Variants in BRINP3 observed in about 807,000 individuals in gnomAD.
The protein encoded by BRINP3 is BMP/retinoic acid inducible neural specific 3.
In BRINP3, 19 loss-of-function variants were observed where a neutral mutation model predicts 71.0. The observed-to-expected ratio is 0.27, with a 90% confidence interval of 0.19 to 0.39. The LOEUF is 0.39. Among genes scored for constraint, BRINP3 ranks in the 10% least tolerant of loss-of-function variants. The pLI is 1.00. For synonymous variants in BRINP3, 380 were observed against 337.7 expected (o/e 1.13, Z -1.37); for missense variants, 959 against 940.8 (o/e 1.02, Z -0.25).
intron 2 of BRINP3, among the ~76,000 whole-genome samples, chr1:190,300,244 T>C (rs1238276669): frequency 2.0e-5 from 3 of 152,092 alleles, no homozygotes; most frequent in African/African-American, 7.2e-5. Context: ...AGGCTTTGCT[T>C]GTTTCTTTTT....
intron 2 of BRINP3, among the ~76,000 whole-genome samples, chr1:190,322,906 G>C (rs1042587884): frequency 6.6e-6 from 1 of 151,694 alleles, no homozygotes; most frequent in African/African-American, 2.4e-5. Flanking sequence ...TAATTATCTC[G>C]TTTAATTTGA....
At chr1:190,275,368 T>C (rs113824861) in intron 3 of BRINP3, among the ~76,000 whole-genome samples, 184 of 151,744 alleles carry the variant, frequency 1.2e-3, no homozygotes, top group Non-Finnish European at 2.2e-3. Context: ...AGTGTTGTCT[T>C]AACTTAATGT....
chr1:190,386,465 A>C (rs1365356476), intron 2 of BRINP3, among the ~76,000 whole-genome samples: 1 of 151,824 alleles, frequency 6.6e-6, no homozygotes, highest in African/African-American at 2.4e-5. Context: ...TTAAATGTCT[A>C]AACAAATAAG....
intron 2 of BRINP3, among the ~76,000 whole-genome samples, chr1:190,426,897 T>C (rs1339513894): frequency 6.6e-6 from 1 of 151,888 alleles, no homozygotes; most frequent in Non-Finnish European, 1.5e-5. Context: ...AAATGATAGT[T>C]ATTTCAGAGA....
chr1:190,441,556 T>C (rs1674821292), intron 2 of BRINP3, among the ~76,000 whole-genome samples: 1 of 152,074 alleles, frequency 6.6e-6, no homozygotes, highest in Non-Finnish European at 1.5e-5. Context: ...TTTTTTATTA[T>C]TATTCTGCTA....
chr1:190,359,151 A>C (rs993199202), intron 2 of BRINP3, among the ~76,000 whole-genome samples: 1 of 152,170 alleles, frequency 6.6e-6, no homozygotes, highest in African/African-American at 2.4e-5. Context: ...CCTAAAACTT[A>C]AAGTATAATA....
At chr1:190,437,740 C>T (rs963877086) in intron 2 of BRINP3, among the ~76,000 whole-genome samples, 1 of 151,470 alleles carries the variant, frequency 6.6e-6, no homozygotes, top group Non-Finnish European at 1.5e-5. Context: ...TTAATGACTT[C>T]TTGGTATATA....
chr1:190,151,135 A>G (rs757888419), intron 7 of BRINP3, among the ~76,000 whole-genome samples: 15 of 152,124 alleles, frequency 9.9e-5, no homozygotes, highest in Non-Finnish European at 1.9e-4. Context: ...TGACAGAGCA[A>G]GACTCAGTCT....
intron 2 of BRINP3, among the ~76,000 whole-genome samples, chr1:190,331,279 G>A (rs868062237): frequency 1.3e-5 from 2 of 151,850 alleles, no homozygotes; most frequent in South Asian, 2.1e-4. Flanking sequence ...AATAATGCAA[G>A]CTTTTCCTGG....
intron 7 of BRINP3, among the ~76,000 whole-genome samples, chr1:190,124,202 TG>T (rs1005188431): frequency 4.6e-5 from 7 of 152,246 alleles, no homozygotes; most frequent in Admixed American, 4.6e-4. Context: ...AAAGTGGGTT[TG>T]CTTTGAAAAT....
intron 6 of BRINP3, among the ~76,000 whole-genome samples, chr1:190,189,000 T>A (rs1298156263): frequency 6.6e-6 from 1 of 152,146 alleles, no homozygotes; most frequent in Non-Finnish European, 1.5e-5. Flanking sequence ...GACCTCATGA[T>A]CTGCCTGCCT....
chr1:190,386,298 C>T (rs911878769), intron 2 of BRINP3, among the ~76,000 whole-genome samples: 4 of 151,062 alleles, frequency 2.6e-5, no homozygotes, highest in African/African-American at 7.3e-5. Flanking sequence ...AATGACTCAT[C>T]CTTTAAGTCA....
chr1:190,391,315 G>C (rs1211526195), intron 2 of BRINP3, among the ~76,000 whole-genome samples: 3 of 151,682 alleles, frequency 2.0e-5, no homozygotes, highest in Non-Finnish European at 4.4e-5. Flanking sequence ...AGAATGAAGA[G>C]AATATGGGTT....
chr1:190,299,437 T>TTTA, intron 2 of BRINP3, among the ~76,000 whole-genome samples: 1 of 151,378 alleles, frequency 6.6e-6, no homozygotes, highest in South Asian at 2.1e-4. Flanking sequence ...TATTTATTTA[T>TTTA]TTATTATTAT....
At chr1:190,167,704 G>A (rs1476795072) in intron 6 of BRINP3, among the ~76,000 whole-genome samples, 2 of 152,152 alleles carry the variant, frequency 1.3e-5, no homozygotes, top group Non-Finnish European at 2.9e-5. Context: ...GAACTGAAGG[G>A]TAGATATGTA....
intron 4 of BRINP3, 134 bp downstream of exon 4, chr1:190,264,731 C>T (rs993532965): frequency 1.2e-4 from 78 of 657,506 alleles, no homozygotes; most frequent in Non-Finnish European, 1.4e-4. Flanking sequence ...TAACTGAAAG[C>T]AAGAAAATTG....
intron 7 of BRINP3, among the ~76,000 whole-genome samples, chr1:190,114,165 C>A (rs1652927420): frequency 6.6e-6 from 1 of 152,080 alleles, no homozygotes; most frequent in Non-Finnish European, 1.5e-5. Context: ...ATGGCATCTC[C>A]TCCCCACACA....
chr1:190,136,938 A>C (rs1210472167), intron 7 of BRINP3, among the ~76,000 whole-genome samples: 1 of 152,014 alleles, frequency 6.6e-6, no homozygotes, highest in Non-Finnish European at 1.5e-5. Flanking sequence ...ATATATATTT[A>C]TATAAAATGC....
At chr1:190,231,349 C>T (rs1365094389) in intron 5 of BRINP3, among the ~76,000 whole-genome samples, 1 of 151,672 alleles carries the variant, frequency 6.6e-6, no homozygotes, top group African/African-American at 2.4e-5. Flanking sequence ...ACTCATGAAC[C>T]ATCATTAAAA....
Sources: allele counts gnomAD v4.1 joint callset (sites outside exome capture counted in the v4.1 genomes callset), GRCh38; gene constraint gnomAD v4.1.1; transcripts MANE v1.5; gene names NCBI Gene and HGNC (gene_info 2026-07-23, HGNC 2026-07-21).